Variants in PCDHGA9 observed in about 807,000 individuals in gnomAD.
The protein encoded by PCDHGA9 is protocadherin gamma subfamily A, 9, also known as protocadherin gamma-A9.
A neutral mutation model predicts 62.5 loss-of-function variants in PCDHGA9; 37 were observed. The observed-to-expected ratio is 0.59, with a 90% CI of 0.46 to 0.78. The LOEUF is 0.78. Ranked by LOEUF, PCDHGA9 falls within the 30% of genes least tolerant of loss-of-function variation. PCDHGA9 has a pLI of 0.00. For synonymous variants in PCDHGA9, 459 were observed against 484.6 expected (o/e 0.95, Z 0.69); for missense variants, 1,138 against 1,166.2 (o/e 0.98, Z 0.35).
intron 1 of PCDHGA9, chr5:141,419,568 A>T: frequency 1.2e-6 from 2 of 1,611,742 alleles, no homozygotes; most frequent in African/African-American, 2.7e-5. Flanking sequence ...CTGGGTCCCG[A>T]CGGCTCCGCG....
At chr5:141,415,123 G>T (rs1349224471) in intron 1 of PCDHGA9, 3 of 1,613,540 alleles carry the variant, frequency 1.9e-6, no homozygotes. Flanking sequence ...CGTAGTGGCC[G>T]TCCAGGACCA....
At chr5:141,428,290 C>G in intron 1 of PCDHGA9, 2 of 726,802 alleles carry the variant, frequency 2.8e-6, no homozygotes, top group Non-Finnish European at 4.8e-6. Context: ...CCAAGCAAAG[C>G]TGCAGATTTA....
chr5:141,419,117 G>T (rs1362880648), intron 1 of PCDHGA9: 1 of 1,613,718 alleles, frequency 6.2e-7, no homozygotes, highest in African/African-American at 1.3e-5. Context: ...AGAGTACAAC[G>T]TCACCATCGC....
chr5:141,474,093 C>G (rs2099341169), intron 1 of PCDHGA9, among the ~76,000 whole-genome samples: 1 of 152,098 alleles, frequency 6.6e-6, no homozygotes, highest in African/African-American at 2.4e-5. Flanking sequence ...AAAAAACAAA[C>G]AACAACAAAA....
At chr5:141,506,076 T>C (rs2154593839) in intron 3 of PCDHGA9, among the ~76,000 whole-genome samples, 1 of 152,244 alleles carries the variant, frequency 6.6e-6, no homozygotes, top group South Asian at 2.1e-4. Flanking sequence ...TCCTTTGTAA[T>C]AGAGATTCGG....
chr5:141,467,908 C>G (rs2099154038), intron 1 of PCDHGA9, among the ~76,000 whole-genome samples: 1 of 152,172 alleles, frequency 6.6e-6, no homozygotes, highest in Non-Finnish European at 1.5e-5. Flanking sequence ...ATCCGCCCAC[C>G]TCAGCCTCCC....
At position 141,403,267 on chromosome 5, in the gene PCDHGA9, C is replaced by T. The variant is rs767670942; in HGVS notation, c.315C>T (p.Asn105=). The change falls in exon 1 of 4, where the codon AAC becomes AAT. Residue 105 remains asparagine (N), a synonymous_variant. Transcript: ENST00000573521. The part of the protein sequence containing the change: ...LCAQSPRCLV[N]FKVLVEDRVK... ...CTCAGAGCCCGCGGTGTCTGGTGAA[C>T]TTTAAAGTCCTGGTTGAAGACAGAG... is the stretch of plus-strand genomic sequence containing the variant. 4.4e-5 allele frequency: 71 copies of T among 1,613,770 alleles called. No homozygotes were observed. Among genetic ancestry groups the T allele is most frequent in the Non-Finnish European group, 5.8e-5 (69 of 1,179,916 alleles).
At chr5:141,414,098 C>A in intron 1 of PCDHGA9, 1 of 1,594,212 alleles carries the variant, frequency 6.3e-7, no homozygotes, top group Non-Finnish European at 8.5e-7. Flanking sequence ...ATAAAAATAT[C>A]AGAAAATCTA....
chr5:141,470,490 A>C (rs1193023083), intron 1 of PCDHGA9, among the ~76,000 whole-genome samples: 1 of 152,202 alleles, frequency 6.6e-6, no homozygotes, highest in African/African-American at 2.4e-5. Context: ...TCTGGGAATA[A>C]TATTAGGTAA....
intron 1 of PCDHGA9, chr5:141,418,998 G>C (rs757681244): frequency 1.9e-6 from 3 of 1,613,940 alleles, no homozygotes; most frequent in South Asian, 1.1e-5. Context: ...GGGGAAAATG[G>C]GGAAGTCAGG....
rs768074414 is a variant in PCDHGA9 at position 141,477,293 on chromosome 5, C to T, written c.2425-17514C>T. 8.1e-6 allele frequency: 13 copies of T among 1,614,180 alleles called. No homozygotes were observed. The highest frequency in any genetic ancestry group is 1.1e-5 in the Non-Finnish European group (13 of 1,180,036). ...CGGGCTGGTGACCTGCGAAGTTCCA[C>T]CGGGTCTCCCTTTCAGCCTTACTTC... On this transcript the variant is annotated intron_variant, in intron 1 of 3. Coordinates refer to ENST00000573521, the MANE Select transcript of PCDHGA9 (RefSeq NM_018921.3). This position sits in a 1 kb window ranked among gnomAD's most constrained non-coding sequence, Gnocchi z 4.9.
intron 1 of PCDHGA9, among the ~76,000 whole-genome samples, chr5:141,449,081 C>T (rs2098627623): frequency 6.6e-6 from 1 of 152,180 alleles, no homozygotes; most frequent in South Asian, 2.1e-4. Flanking sequence ...CCTGTACCTA[C>T]ATCAGTTTTT....
chr5:141,458,390 C>T (rs2098944487), intron 1 of PCDHGA9, among the ~76,000 whole-genome samples: 1 of 152,058 alleles, frequency 6.6e-6, no homozygotes, highest in Non-Finnish European at 1.5e-5. Context: ...GAAGACGCTC[C>T]CCCTTGCAGA....
Position 141,491,586 on chromosome 5 carries a change from G to T in PCDHGA9, c.2425-3221G>T, listed in dbSNP as rs373990387. ...ACAGGACGTGCTTTTCACCGGCCTC[G>T]GACGGCAGTGACTTCACTTTTCTAA... On this transcript the variant is annotated intron_variant, in intron 1 of 3. Transcript: ENST00000573521. This position sits in a 1 kb window ranked among gnomAD's most constrained non-coding sequence, Gnocchi z 6.9. 2.1e-5 allele frequency: 34 copies of T among 1,613,792 alleles called. No individual in the cohort carries two copies. In the African/African-American group the frequency reaches 2.4e-4, roughly 11 times the overall value.
In PCDHGA9 at chr5:141,511,259, A is replaced by G; in HGVS notation, c.*86A>G. On this transcript the variant is annotated 3_prime_UTR_variant, in exon 4 of 4. Transcript: ENST00000573521. ...ACCTGCACCCAGGCCTCAGAGTTTCAGGGCTAACCCCCAGAATACTGGTAG... is the reference window on the plus strand; with the variant it reads ...ACCTGCACCCAGGCCTCAGAGTTTCGGGGCTAACCCCCAGAATACTGGTAG... 1.3e-6 allele frequency: 2 copies of G among 1,559,840 alleles called. No individual in the cohort carries two copies. The highest frequency in any genetic ancestry group is 1.7e-6 in the Non-Finnish European group (2 of 1,152,466).
Position 141,403,168 on chromosome 5 carries a change from G to A in PCDHGA9, c.216G>A (p.Thr72=). Residue 72 remains threonine (T), a synonymous_variant, in exon 1 of 4, where the codon ACG becomes ACA. Coordinates refer to ENST00000573521, the MANE Select transcript of PCDHGA9 (RefSeq NM_018921.3). ...TCCGCATCGTCTCTAGAGGTAGGAC[G>A]CAGCTTTTCTCTCTGAACCCGCGCA... ...RRVRIVSRGR[T]QLFSLNPRSG... 2 of 1,614,032 alleles carry A rather than the reference G, an allele frequency of 1.2e-6. No individual in the cohort carries two copies. Among genetic ancestry groups the A allele is most frequent in the African/African-American group, 1.3e-5 (1 of 75,078 alleles).
At chr5:141,441,948 G>A in intron 1 of PCDHGA9, 1 of 332,472 alleles carries the variant, frequency 3.0e-6, no homozygotes, top group Non-Finnish European at 5.8e-6. Flanking sequence ...ACGTGCTGCA[G>A]GCCAGCAAGC....
chr5:141,500,497 C>T (rs1214550546), intron 2 of PCDHGA9, among the ~76,000 whole-genome samples: 1 of 152,174 alleles, frequency 6.6e-6, no homozygotes, highest in Non-Finnish European at 1.5e-5. Context: ...GCGTGAGCCA[C>T]CGCGCCTGGC....
chr5:141,505,558 C>A (rs945428797), intron 3 of PCDHGA9, 77 bp downstream of exon 3: 1 of 1,605,016 alleles, frequency 6.2e-7, no homozygotes, highest in African/African-American at 1.3e-5. Context: ...ACCATGCCCA[C>A]GGACTGGATG....
Sources: gnomAD v4.1 joint callset for allele counts (sites outside exome capture counted in the v4.1 genomes callset) on GRCh38, gnomAD v4.1.1 for gene constraint, Gnocchi (gnomAD v3.1) non-coding constraint, MANE v1.5 for transcripts, NCBI Gene and HGNC (gene_info 2026-07-23, HGNC 2026-07-21) for gene names.